CNTN4: variants seen among roughly 807,000 people sequenced by gnomAD.
CNTN4 encodes the protein contactin-4.
A neutral mutation model predicts 122.5 loss-of-function variants in CNTN4; 77 were observed. The ratio of observed to expected loss-of-function variants is 0.63; its 90% CI spans 0.52 to 0.76. The LOEUF (loss-of-function observed/expected upper bound fraction) is 0.76, where lower values mean the gene tolerates loss of function less well. CNTN4 is among the 30% of genes least tolerant of loss of function. CNTN4 has a pLI of 0.00. For synonymous variants in CNTN4, 512 were observed against 447.0 expected (o/e 1.15, Z -1.83); for missense variants, 1,256 against 1,259.1 (o/e 1.00, Z 0.04).
intron 13 of CNTN4, among the ~76,000 whole-genome samples, chr3:2,935,387 C>A (rs2094558929): frequency 6.6e-6 from 1 of 152,148 alleles, no homozygotes; most frequent in African/African-American, 2.4e-5. Flanking sequence ...CCCTTCCTTG[C>A]AAGTAAGTCC....
intron 4 of CNTN4, among the ~76,000 whole-genome samples, chr3:2,634,689 T>A (rs1966982): frequency 0.15 from 12,322 of 82,618 alleles, 560 homozygotes; most frequent in African/African-American, 0.18. Flanking sequence ...AAAAAAAAAA[T>A]ATATATATAT....
At chr3:2,968,830 G>C (rs1253812140) in intron 13 of CNTN4, among the ~76,000 whole-genome samples, 2 of 152,156 alleles carry the variant, frequency 1.3e-5, no homozygotes, top group African/African-American at 4.8e-5. Flanking sequence ...TCAGCCATTT[G>C]ATGCATCATC....
At chr3:2,884,075 G>A (rs977270339) in intron 9 of CNTN4, among the ~76,000 whole-genome samples, 4 of 151,858 alleles carry the variant, frequency 2.6e-5, no homozygotes, top group Admixed American at 2.6e-4. Context: ...GCGCCCAAAT[G>A]TTGACTAAGG....
intron 3 of CNTN4, among the ~76,000 whole-genome samples, chr3:2,480,715 C>CAAA: frequency 6.6e-6 from 1 of 152,306 alleles, no homozygotes; most frequent in Non-Finnish European, 1.5e-5. Context: ...CAGTCCCAAT[C>CAAA]AAAATCCCAG....
chr3:2,241,937 G>A (rs935544), intron 2 of CNTN4, among the ~76,000 whole-genome samples: 15,894 of 151,924 alleles, frequency 0.1, 1,239 homozygotes, highest in African/African-American at 0.22. Flanking sequence ...CTGCCCCATT[G>A]GATAAATCAT....
intron 4 of CNTN4, among the ~76,000 whole-genome samples, chr3:2,731,568 T>C (rs1364440355): frequency 1.3e-5 from 2 of 152,198 alleles, no homozygotes; most frequent in Non-Finnish European, 2.9e-5. Context: ...TACTGCTCAC[T>C]CCCTCATTCC....
At chr3:2,586,386 A>G (rs1302902538) in intron 4 of CNTN4, among the ~76,000 whole-genome samples, 2 of 152,078 alleles carry the variant, frequency 1.3e-5, no homozygotes, top group East Asian at 3.9e-4. Context: ...TCTGCCTCCC[A>G]CGTTCAAGCG....
intron 2 of CNTN4, among the ~76,000 whole-genome samples, chr3:2,187,930 A>G (rs1206179349): frequency 6.6e-6 from 1 of 152,172 alleles, no homozygotes; most frequent in African/African-American, 2.4e-5. Context: ...TATGGATTCA[A>G]GGACCATGAG....
chr3:2,152,397 T>C (rs949585775), intron 2 of CNTN4, among the ~76,000 whole-genome samples: 4 of 152,078 alleles, frequency 2.6e-5, no homozygotes, highest in African/African-American at 9.7e-5. Context: ...GTCTGGTAGG[T>C]AGCTTTGGGG....
At chr3:2,565,216 C>G (rs1455926399) in intron 3 of CNTN4, among the ~76,000 whole-genome samples, 1 of 152,102 alleles carries the variant, frequency 6.6e-6, no homozygotes, top group Non-Finnish European at 1.5e-5. Context: ...TCATCCAGGT[C>G]CCTTATGTCT....
intron 3 of CNTN4, among the ~76,000 whole-genome samples, chr3:2,475,256 G>A (rs1428417886): frequency 1.3e-5 from 2 of 152,132 alleles, no homozygotes; most frequent in African/African-American, 2.4e-5. Context: ...GAAGAAGTCC[G>A]TTCAAAGAAG....
In CNTN4 at chr3:3,024,384, T is replaced by TAAAAAA. The variant is rs55892513; in HGVS notation, c.1487-1699_1487-1694dup. Among the ~76,000 whole-genome samples, 9 of 90,256 alleles carry TAAAAAA rather than the reference T, an allele frequency of 1.0e-4. 1 individual carries two copies. The highest frequency in any genetic ancestry group is 2.1e-4 in the African/African-American group (5 of 23,700). The allele number at this position is 90,256 out of a possible 152,430, so 59.2% of individuals were successfully genotyped here. On this transcript the variant is annotated intron_variant, in intron 14 of 24. Coordinates refer to ENST00000418658, the MANE Select transcript of CNTN4 (RefSeq NM_175607.3). ...ATTTGTACTTACCTCTTTTCCTCAT[T>TAAAAAA]AAAAAAAAAAAAAAAAAAAAAAAAC...
At chr3:2,758,527 T>TTTTC (rs1179440035) in intron 6 of CNTN4, among the ~76,000 whole-genome samples, 1 of 149,294 alleles carries the variant, frequency 6.7e-6, no homozygotes. Context: ...CTTTTTTTTT[T>TTTTC]TTTTTTTTGA....
chr3:3,031,403 C>T (rs963957355), intron 16 of CNTN4, among the ~76,000 whole-genome samples: 5 of 152,118 alleles, frequency 3.3e-5, no homozygotes, highest in Admixed American at 2.0e-4. Context: ...CAGGTTTATC[C>T]GAGTTTCCTT....
chr3:2,415,529 TAAGA>T (rs2047380255), intron 3 of CNTN4, among the ~76,000 whole-genome samples: 1 of 152,204 alleles, frequency 6.6e-6, no homozygotes, highest in Non-Finnish European at 1.5e-5. Flanking sequence ...GGTCATTTTA[TAAGA>T]AAGAAGAAAA....
chr3:2,202,791 C>T (rs375629202), intron 2 of CNTN4, among the ~76,000 whole-genome samples: 5 of 151,804 alleles, frequency 3.3e-5, no homozygotes, highest in East Asian at 1.9e-4. Flanking sequence ...CTTATTTAAC[C>T]GGAGAATTGC....
At chr3:2,416,204 T>C (rs2047405642) in intron 3 of CNTN4, among the ~76,000 whole-genome samples, 1 of 152,118 alleles carries the variant, frequency 6.6e-6, no homozygotes, top group African/African-American at 2.4e-5. Flanking sequence ...ATAGTGATCA[T>C]TCCATATCAC....
At chr3:2,132,064 G>A (rs772348292) in intron 2 of CNTN4, among the ~76,000 whole-genome samples, 41 of 152,292 alleles carry the variant, frequency 2.7e-4, no homozygotes, top group Admixed American at 8.5e-4. Flanking sequence ...GTCATAAGGA[G>A]CCTTGCAGTG....
At chr3:2,167,050 CAT>C (rs2036226646) in intron 2 of CNTN4, among the ~76,000 whole-genome samples, 3 of 152,102 alleles carry the variant, frequency 2.0e-5, no homozygotes, top group African/African-American at 4.8e-5. Flanking sequence ...GTACATCAGA[CAT>C]AGATGTAATA....
Sources: gnomAD v4.1 joint callset for allele counts (sites outside exome capture counted in the v4.1 genomes callset) on GRCh38, gnomAD v4.1.1 for gene constraint, MANE v1.5 for transcripts, NCBI Gene and HGNC (gene_info 2026-07-23, HGNC 2026-07-21) for gene names.